The following ACTL6A variants were observed in gnomAD, a reference collection of about 807,000 sequenced individuals.
ACTL6A encodes the protein actin like 6A.
In ACTL6A, 5 loss-of-function variants were observed where a neutral mutation model predicts 59.2. The ratio of observed to expected loss-of-function variants is 0.08; its 90% CI spans 0.04 to 0.18. The LOEUF (loss-of-function observed/expected upper bound fraction) is 0.18, where lower values mean the gene tolerates loss of function less well. Among genes scored for constraint, ACTL6A ranks in the 10% least tolerant of loss-of-function variants. The pLI, the probability that ACTL6A is intolerant of heterozygous loss-of-function variation, is 1.00. For synonymous variants in ACTL6A, 154 were observed against 171.8 expected (o/e 0.90, Z 0.81); for missense variants, 285 against 526.9 (o/e 0.54, Z 4.49).
intron 12 of ACTL6A, among the ~76,000 whole-genome samples, chr3:179,584,676 T>C (rs1718433189): frequency 6.6e-6 from 1 of 151,570 alleles, no homozygotes; most frequent in Non-Finnish European, 1.5e-5. Context: ...TCCCAGCTAC[T>C]TGGGAGGCTG....
chr3:179,565,953 G>C (rs554466286), intron 1 of ACTL6A, among the ~76,000 whole-genome samples: 1 of 152,294 alleles, frequency 6.6e-6, no homozygotes, highest in East Asian at 1.9e-4. Context: ...TAGTTTCCCG[G>C]TTGAGATAAG....
At chr3:179,574,340 A>C in intron 4 of ACTL6A, 30 bp from the exon 5 acceptor site, 4 of 1,398,318 alleles carry the variant, frequency 2.9e-6, no homozygotes, top group Non-Finnish European at 4.1e-6. Flanking sequence ...ATTCTTAATA[A>C]CTTGCATTTC....
chr3:179,579,233 TTTG>T (rs891682584), intron 8 of ACTL6A, among the ~76,000 whole-genome samples: 5 of 152,112 alleles, frequency 3.3e-5, no homozygotes, highest in South Asian at 2.1e-4. Context: ...AATGAGGCTT[TTTG>T]TTGTTGTTGT....
chr3:179,563,287 C>T (rs1717724208), intron 1 of ACTL6A, 170 bp downstream of exon 1: 6 of 1,174,914 alleles, frequency 5.1e-6, no homozygotes, highest in Admixed American at 2.7e-5. Context: ...GGAGCCCACC[C>T]GGCTCGCCGT....
intron 3 of ACTL6A, among the ~76,000 whole-genome samples, chr3:179,572,010 A>G (rs1718023373): frequency 6.6e-6 from 1 of 151,886 alleles, no homozygotes; most frequent in African/African-American, 2.4e-5. Context: ...AAATGGGTTC[A>G]CTGAGTTCAA....
chr3:179,579,576 C>T (rs1010414742), intron 8 of ACTL6A, among the ~76,000 whole-genome samples: 1 of 151,908 alleles, frequency 6.6e-6, no homozygotes, highest in African/African-American at 2.4e-5. Context: ...TCACTTGAGG[C>T]AAGGAGTTCA....
intron 1 of ACTL6A, among the ~76,000 whole-genome samples, chr3:179,563,888 A>G (rs1016629726): frequency 1.4e-4 from 21 of 152,186 alleles, no homozygotes; most frequent in Admixed American, 5.2e-4. Flanking sequence ...GGGGTTACAG[A>G]CCTGGGTTGA....
intron 12 of ACTL6A, 33 bp from the exon 13 acceptor site, chr3:179,586,513 T>A: frequency 7.0e-7 from 1 of 1,429,192 alleles, no homozygotes; most frequent in Non-Finnish European, 9.4e-7. Flanking sequence ...GTCACAAGAT[T>A]TGATTGTACT....
rs140014395 is a variant in ACTL6A, at chr3:179,568,544, C to CGT, written c.26-1267_26-1266dup. On this transcript the variant is annotated intron_variant, in intron 1 of 13. Coordinates refer to ENST00000429709, the MANE Select transcript of ACTL6A (RefSeq NM_004301.5). ...CATATTTTCTTTTTTTTTTTTGAGA[C>CGT]GTGTGTGTGTGTGTATATGTGTATA... Among the ~76,000 whole-genome samples the CGT allele has an allele frequency of 8.5e-3, 1,255 of 146,966 alleles. 7 individuals are homozygous for CGT. Among genetic ancestry groups the CGT allele is most frequent in the Non-Finnish European group, 0.014 (911 of 66,884 alleles).
rs762808413 is a variant in ACTL6A, at chr3:179,576,898, C to A, written c.753C>A (p.His251Gln). 6.2e-7 allele frequency: 1 copy of A among 1,613,370 alleles called. No individual in the cohort carries two copies. Among genetic ancestry groups the A allele is most frequent in the African/African-American group, 1.3e-5 (1 of 74,908 alleles). Residue 251 changes from histidine (H) to glutamine (Q), a missense_variant, in exon 8 of 14, where the codon CAC (histidine) becomes CAA (glutamine). Coordinates refer to ENST00000429709, the MANE Select transcript of ACTL6A (RefSeq NM_004301.5). ...TGCCTCAGGTTACGAGGTCTTGGCA[C>A]AATTATATGTGTAATGTAAGTAACC... ...EKLPQVTRSW[H>Q]NYMCNCVIQD... is the part of the protein sequence containing the mutation.
chr3:179,580,350 T>G (rs1039899774), intron 8 of ACTL6A, among the ~76,000 whole-genome samples: 13 of 152,342 alleles, frequency 8.5e-5, no homozygotes, highest in African/African-American at 1.4e-4. Context: ...TGAAATTGGT[T>G]TTGTTATGCA....
chr3:179,565,558 G>T (rs914327126), intron 1 of ACTL6A, among the ~76,000 whole-genome samples: 16 of 147,950 alleles, frequency 1.1e-4, no homozygotes, highest in African/African-American at 4.0e-4. Context: ...TATTGATTCC[G>T]TGTGGTGGAG....
At chr3:179,577,711 TGTAA>T (rs1718210969) in intron 8 of ACTL6A, among the ~76,000 whole-genome samples, 1 of 152,162 alleles carries the variant, frequency 6.6e-6, no homozygotes, top group African/African-American at 2.4e-5. Flanking sequence ...AGCTCTCACT[TGTAA>T]GTGAGAACGT....
intron 1 of ACTL6A, among the ~76,000 whole-genome samples, chr3:179,566,552 G>C (rs1481783107): frequency 6.6e-6 from 1 of 152,214 alleles, no homozygotes; most frequent in Admixed American, 6.5e-5. Context: ...CTAGAGGATA[G>C]AGGTAGATCT....
At chr3:179,571,136 G>A (rs190748619) in intron 3 of ACTL6A, among the ~76,000 whole-genome samples, 257 of 152,242 alleles carry the variant, frequency 1.7e-3, no homozygotes, top group Non-Finnish European at 3.1e-3. Flanking sequence ...GGCATGGTTG[G>A]CCATGCGTGG....
intron 4 of ACTL6A, 39 bp from the exon 5 acceptor site, chr3:179,574,318 ATCAACTTTTTAAT>A: frequency 8.6e-7 from 1 of 1,168,566 alleles, no homozygotes; most frequent in Middle Eastern, 1.9e-4. Context: ...CTGGAGATAA[ATCAACTTTTTAAT>A]TCTTAATAAC....
chr3:179,568,559 A>G (rs137975809), intron 1 of ACTL6A, among the ~76,000 whole-genome samples: 16 of 149,448 alleles, frequency 1.1e-4, no homozygotes, highest in African/African-American at 2.0e-4. Context: ...GTGTGTGTGT[A>G]TATGTGTATA....
chr3:179,586,253 G>C (rs1718483005), intron 12 of ACTL6A, among the ~76,000 whole-genome samples: 2 of 152,086 alleles, frequency 1.3e-5, no homozygotes, highest in Admixed American at 1.3e-4. Flanking sequence ...ACCTATGCTT[G>C]TTATCTTGGC....
At position 179,576,230 on chromosome 3, in the gene ACTL6A, C is replaced by T. The variant is rs1718161516; in HGVS notation, c.490C>T (p.Arg164Cys). The T allele has an allele frequency of 2.5e-6, 4 of 1,613,456 alleles. No homozygotes were observed. The highest frequency in any genetic ancestry group is 1.1e-5 in the South Asian group (1 of 91,016). ...TAVLTAFANG[R>C]STGLILDSGA... ...GTTTTAAACTAGATTTGCTAATGGT[C>T]GTTCTACTGGGCTGATTTTGGACAG... The change falls in exon 6 of 14, where the codon CGT becomes TGT. Residue 164 changes from arginine to cysteine, a missense_variant. Coordinates refer to ENST00000429709, the MANE Select transcript of ACTL6A (RefSeq NM_004301.5).
Sources: gnomAD v4.1 joint callset for allele counts (sites outside exome capture counted in the v4.1 genomes callset) on GRCh38, gnomAD v4.1.1 for gene constraint, MANE v1.5 for transcripts, NCBI Gene and HGNC (gene_info 2026-07-23, HGNC 2026-07-21) for gene names.